Variants in ACSL5 observed in about 807,000 individuals in gnomAD.
ACSL5 encodes long-chain-fatty-acid--CoA ligase 5.
ACSL5 carries 50 observed loss-of-function variants against 84.9 expected under a neutral mutation model. The ratio of observed to expected loss-of-function variants is 0.59; its 90% CI spans 0.47 to 0.75. The LOEUF is 0.75. Ranked by LOEUF, ACSL5 falls within the 30% of genes least tolerant of loss-of-function variation. The pLI is 0.00. For missense variants in ACSL5, 775 were observed against 830.4 expected (o/e 0.93, Z 0.82); for synonymous variants, 280 against 300.7 (o/e 0.93, Z 0.71).
Position 112,411,281 on chromosome 10 carries a change from C to G in ACSL5, c.797-175C>G, listed in dbSNP as rs796796760. The stretch of plus-strand genomic sequence containing the variant: ...AACGATGCATTCAGCAGTAGAATCT[C>G]CGGGGGCATTAATTATTCCTAAACA... On this transcript the variant is annotated intron_variant, in intron 9 of 20. Coordinates refer to ENST00000354655, the MANE Select transcript of ACSL5 (RefSeq NM_203379.2). 15 of 601,272 alleles carry G rather than the reference C, an allele frequency of 2.5e-5. No individual in the cohort carries two copies. The African/African-American group carries it at 2.8e-4, about 11-fold the overall frequency. 37.2% of individuals were successfully genotyped at this position (601,272 alleles called of 1,614,324 possible). A position where few individuals can be genotyped will look rare whatever the true frequency, so the allele number is the denominator to read the frequency against.
At chr10:112,382,180 G>A (rs1849363594) in intron 1 of ACSL5, among the ~76,000 whole-genome samples, 1 of 152,216 alleles carries the variant, frequency 6.6e-6, no homozygotes, top group Admixed American at 6.5e-5. Context: ...CCCTCACTTA[G>A]GTCGGACTGC....
chr10:112,394,420 A>C (rs1445431579), intron 1 of ACSL5, among the ~76,000 whole-genome samples: 1 of 152,194 alleles, frequency 6.6e-6, no homozygotes, highest in Non-Finnish European at 1.5e-5. Context: ...CCTTCATACA[A>C]AATGGTTAAT....
Position 112,426,288 on chromosome 10 carries a change from A to C in ACSL5, c.1768A>C (p.Thr590Pro). The change falls in exon 19 of 21, where the codon ACA (threonine) becomes CCA (proline). Residue 590 changes from threonine to proline, a missense_variant. Physicochemically the swap from Thr to Pro is conservative, Grantham distance 38. Coordinates refer to ENST00000354655, the MANE Select transcript of ACSL5 (RefSeq NM_203379.2). ...SSLVGVVVPD[T>P]DVLPSFAAKL... ...CTTAGTAGGAGTGGTGGTTCCTGACACAGATGTACTTCCCTCATTTGCAGC... is the reference window on the plus strand; with the variant it reads ...CTTAGTAGGAGTGGTGGTTCCTGACCCAGATGTACTTCCCTCATTTGCAGC... 6.2e-7 allele frequency: 1 copy of C among 1,614,150 alleles called. No individual in the cohort carries two copies. Among genetic ancestry groups the C allele is most frequent in the South Asian group, 1.1e-5 (1 of 91,082 alleles).
intron 12 of ACSL5, among the ~76,000 whole-genome samples, chr10:112,414,815 C>T (rs1589693951): frequency 1.3e-5 from 2 of 152,068 alleles, no homozygotes; most frequent in South Asian, 4.1e-4. Context: ...TTCAGGGAGC[C>T]GTTGAAGCTA....
At chr10:112,393,734 G>T (rs1051901754) in intron 1 of ACSL5, among the ~76,000 whole-genome samples, 3 of 152,204 alleles carry the variant, frequency 2.0e-5, no homozygotes, top group Non-Finnish European at 2.9e-5. Flanking sequence ...GAAGGTGCTA[G>T]ACAAATTCAA....
intron 1 of ACSL5, among the ~76,000 whole-genome samples, chr10:112,380,294 C>T (rs1034908042): frequency 6.6e-6 from 1 of 152,158 alleles, no homozygotes; most frequent in African/African-American, 2.4e-5. Flanking sequence ...TTTGACTTAA[C>T]ATGAGATCTC....
intron 1 of ACSL5, among the ~76,000 whole-genome samples, chr10:112,383,589 C>T (rs1032162605): frequency 6.6e-6 from 1 of 152,218 alleles, no homozygotes; most frequent in Non-Finnish European, 1.5e-5. Context: ...TGCTGTCCAG[C>T]TGGATTACTC....
Position 112,427,578 on chromosome 10 carries a change from G to T in ACSL5, c.*220G>T. The T allele has an allele frequency of 2.8e-6, 1 of 352,990 alleles. No individual in the cohort carries two copies. The highest frequency in any genetic ancestry group is 5.0e-5 in the East Asian group (1 of 19,898). The allele number at this position is 352,990 out of a possible 1,614,324, so 21.9% of individuals were successfully genotyped here. On this transcript the variant is annotated 3_prime_UTR_variant, in exon 21 of 21. Coordinates refer to ENST00000354655, the MANE Select transcript of ACSL5 (RefSeq NM_203379.2). ...CCATCTTCGATGTTGCTAATATTAA[G>T]GCTTCAGGGCTACTTTTATCAACAT...
At chr10:112,392,090 T>G (rs1240265873) in intron 1 of ACSL5, among the ~76,000 whole-genome samples, 1 of 152,212 alleles carries the variant, frequency 6.6e-6, no homozygotes, top group Non-Finnish European at 1.5e-5. Flanking sequence ...TGCAACCATT[T>G]TTTTCCATAG....
At chr10:112,401,492 T>C (rs1453551103) in intron 3 of ACSL5, among the ~76,000 whole-genome samples, 1 of 152,240 alleles carries the variant, frequency 6.6e-6, no homozygotes, top group African/African-American at 2.4e-5. Flanking sequence ...CAAGAATTTG[T>C]TAATGGATGG....
chr10:112,384,965 C>T (rs1849421669), intron 1 of ACSL5, among the ~76,000 whole-genome samples: 1 of 152,104 alleles, frequency 6.6e-6, no homozygotes, highest in African/African-American at 2.4e-5. Flanking sequence ...ATATCATTAC[C>T]TACAGATCGA....
intron 5 of ACSL5, among the ~76,000 whole-genome samples, chr10:112,405,202 A>T (rs1014856595): frequency 6.6e-6 from 1 of 152,230 alleles, no homozygotes; most frequent in African/African-American, 2.4e-5. Flanking sequence ...ATTCATTGCT[A>T]CTGAGTCTGG....
Position 112,422,393 on chromosome 10 carries a change from G to A in ACSL5, c.1545G>A (p.Leu515=). 6.2e-7 allele frequency: 1 copy of A among 1,614,184 alleles called. No homozygotes were observed. Among genetic ancestry groups the A allele is most frequent in the Non-Finnish European group, 8.5e-7 (1 of 1,180,028 alleles). The change falls in exon 17 of 21, where the codon CTG becomes CTA. Residue 515 remains leucine (L), a synonymous_variant. Transcript: ENST00000354655. ...ACCCTGAGAAGACACAGGAAGCCCT[G>A]GACAGTGATGGCTGGCTTCACACAG... The part of the protein sequence containing the change: ...LKDPEKTQEA[L]DSDGWLHTGD...
chr10:112,383,919 G>A (rs553160139), intron 1 of ACSL5, among the ~76,000 whole-genome samples: 12 of 152,084 alleles, frequency 7.9e-5, no homozygotes, highest in South Asian at 6.2e-4. Context: ...TCCACCAGGC[G>A]CGGTGGTTCA....
chr10:112,396,512 G>T (rs890363956), intron 2 of ACSL5: 9 of 152,206 alleles, frequency 5.9e-5, no homozygotes, highest in African/African-American at 2.2e-4. Context: ...TCAGCCTGCA[G>T]ATTATAGTCT....
At chr10:112,395,955 TC>T (rs1313515650) in intron 2 of ACSL5, 1 of 152,368 alleles carries the variant, frequency 6.6e-6, no homozygotes, top group African/African-American at 2.4e-5. Context: ...CATCTTCCCG[TC>T]CTGCTGCATT....
intron 1 of ACSL5, among the ~76,000 whole-genome samples, chr10:112,391,194 C>A (rs1048658228): frequency 6.6e-5 from 10 of 152,120 alleles, no homozygotes; most frequent in Non-Finnish European, 1.0e-4. Flanking sequence ...GCCTGGCCAA[C>A]ATGGTGAAAC....
intron 12 of ACSL5, among the ~76,000 whole-genome samples, chr10:112,415,512 G>A (rs1217365485): frequency 3.9e-5 from 6 of 152,242 alleles, no homozygotes; most frequent in African/African-American, 1.2e-4. Context: ...GAGGGAGGGT[G>A]AGTCTTGTGA....
intron 14 of ACSL5, 115 bp downstream of exon 14, chr10:112,418,056 C>T: frequency 1.3e-6 from 1 of 798,416 alleles, no homozygotes; most frequent in Non-Finnish European, 1.9e-6. Flanking sequence ...CACCTAAATT[C>T]TCAAAATCCA....
Sources: gnomAD v4.1 joint callset for allele counts (sites outside exome capture counted in the v4.1 genomes callset) on GRCh38, gnomAD v4.1.1 for gene constraint, MANE v1.5 for transcripts, NCBI Gene and HGNC (gene_info 2026-07-23, HGNC 2026-07-21) for gene names.